The following SPECC1 variants were observed in gnomAD, a reference collection of about 807,000 sequenced individuals.
SPECC1 encodes sperm antigen with calponin homology and coiled-coil domains 1, also known as cytospin-B.
In SPECC1, 62 loss-of-function variants were observed where a neutral mutation model predicts 104.1. The observed-to-expected ratio is 0.60, with a 90% CI of 0.49 to 0.74. The LOEUF is 0.74. Among genes scored for constraint, SPECC1 ranks in the 30% least tolerant of loss-of-function variants. The pLI is 0.00. For missense variants in SPECC1, 1,306 were observed against 1,310.5 expected (o/e 1.00, Z 0.05); for synonymous variants, 513 against 501.6 (o/e 1.02, Z -0.30).
chr17:20,266,646 C>G (rs1421494237), intron 12 of SPECC1, among the ~76,000 whole-genome samples: 3 of 152,182 alleles, frequency 2.0e-5, no homozygotes, highest in Non-Finnish European at 4.4e-5. Flanking sequence ...AGGCAACAGT[C>G]CCTGCTCTCA....
chr17:20,206,870 T>C (rs1286054727), intron 4 of SPECC1, among the ~76,000 whole-genome samples: 2 of 152,252 alleles, frequency 1.3e-5, no homozygotes, highest in Non-Finnish European at 2.9e-5. Flanking sequence ...GGTATTACAT[T>C]GTTATATCAT....
chr17:20,311,741 T>C (rs1308624611), intron 14 of SPECC1, among the ~76,000 whole-genome samples: 1 of 152,206 alleles, frequency 6.6e-6, no homozygotes, highest in Non-Finnish European at 1.5e-5. Flanking sequence ...ACGGGGGGAA[T>C]GTTCAGGTCT....
chr17:20,128,873 CAT>C (rs1453576212), intron 3 of SPECC1, among the ~76,000 whole-genome samples: 2 of 151,766 alleles, frequency 1.3e-5, no homozygotes, highest in African/African-American at 4.8e-5. Context: ...AAATATATTT[CAT>C]ATTTTTAAAT....
At chr17:20,292,799 A>G (rs1475309346) in intron 12 of SPECC1, among the ~76,000 whole-genome samples, 1 of 152,222 alleles carries the variant, frequency 6.6e-6, no homozygotes, top group African/African-American at 2.4e-5. Context: ...TGGTGTGCTT[A>G]GCGACTGCTG....
chr17:20,245,901 A>G (rs191896427), intron 7 of SPECC1, 25 bp from the exon 8 acceptor site: 3 of 1,611,720 alleles, frequency 1.9e-6, no homozygotes, highest in East Asian at 2.2e-5. Context: ...CATCTTTTCA[A>G]TCTGATTTGC....
At chr17:20,170,174 A>C (rs1024564363) in intron 3 of SPECC1, among the ~76,000 whole-genome samples, 9 of 152,198 alleles carry the variant, frequency 5.9e-5, no homozygotes, top group African/African-American at 2.2e-4. Flanking sequence ...CTGCCTTCAC[A>C]TGGACATTGT....
chr17:20,230,893 C>T (rs749652029), intron 5 of SPECC1, among the ~76,000 whole-genome samples: 5 of 152,172 alleles, frequency 3.3e-5, no homozygotes, highest in African/African-American at 4.8e-5. Flanking sequence ...CAGACACAAA[C>T]TCTCAGTCCC....
At chr17:20,023,166 T>C (rs1172097358) in intron 1 of SPECC1, among the ~76,000 whole-genome samples, 1 of 152,206 alleles carries the variant, frequency 6.6e-6, no homozygotes, top group African/African-American at 2.4e-5. Flanking sequence ...TTGGAACTAC[T>C]TAGCTCTGCT....
intron 3 of SPECC1, among the ~76,000 whole-genome samples, chr17:20,188,014 C>T (rs954334476): frequency 4.6e-5 from 7 of 152,130 alleles, no homozygotes; most frequent in African/African-American, 1.7e-4. Context: ...AGAATTCAGC[C>T]TCATATAAGG....
intron 1 of SPECC1, among the ~76,000 whole-genome samples, chr17:20,074,929 C>G (rs2046698735): frequency 6.6e-6 from 1 of 151,990 alleles, no homozygotes; most frequent in South Asian, 2.1e-4. Context: ...TTAGACAGAG[C>G]CTTGCTGTTG....
intron 2 of SPECC1, among the ~76,000 whole-genome samples, chr17:20,104,471 G>A (rs1315960114): frequency 3.3e-5 from 5 of 152,116 alleles, no homozygotes; most frequent in South Asian, 2.1e-4. Flanking sequence ...GGCCAGGCAC[G>A]GTGGCTCATG....
At chr17:20,119,340 C>A (rs2048915274) in intron 3 of SPECC1, among the ~76,000 whole-genome samples, 1 of 152,220 alleles carries the variant, frequency 6.6e-6, no homozygotes, top group Admixed American at 6.5e-5. Flanking sequence ...TCAAGTGATT[C>A]TCCTGCCTCA....
chr17:20,194,505 T>A lies in SPECC1; in HGVS notation c.284-9828T>A, dbSNP rs2526489. ...GTTCTGTTAGAAAAGAGAACGAATT[T>A]TTTTTTTTTTTTTTTTTTTTGAGAC... is the stretch of plus-strand genomic sequence containing the variant. On this transcript the variant is annotated intron_variant, in intron 3 of 14. Coordinates refer to ENST00000395527, the MANE Select transcript of SPECC1 (RefSeq NM_001243439.2). 6.7e-3 allele frequency among the ~76,000 whole-genome samples: 321 copies of A among 47,926 alleles called. 7 individuals carry two copies. In the East Asian group the frequency reaches 0.073, roughly 11 times the overall value. 31.4% of individuals were successfully genotyped at this position (47,926 alleles called of 152,430 possible).
chr17:20,275,728 G>C (rs1392915055), intron 12 of SPECC1, among the ~76,000 whole-genome samples: 1 of 152,164 alleles, frequency 6.6e-6, no homozygotes. Flanking sequence ...CTAGGCCCCT[G>C]CCTATTCTCA....
At chr17:20,030,135 G>C (rs945965400) in intron 1 of SPECC1, among the ~76,000 whole-genome samples, 1 of 151,954 alleles carries the variant, frequency 6.6e-6, no homozygotes, top group Non-Finnish European at 1.5e-5. Flanking sequence ...CTCAATTTGT[G>C]GTAGTTTGTT....
intron 10 of SPECC1, among the ~76,000 whole-genome samples, chr17:20,256,079 G>A (rs1265025949): frequency 5.9e-5 from 9 of 151,770 alleles, no homozygotes; most frequent in Non-Finnish European, 8.8e-5. Flanking sequence ...GGGTTTCACC[G>A]TGTTAGCCAG....
intron 3 of SPECC1, among the ~76,000 whole-genome samples, chr17:20,165,246 C>A (rs1021777027): frequency 6.6e-6 from 1 of 152,134 alleles, no homozygotes; most frequent in East Asian, 1.9e-4. Context: ...CCCCCCACCC[C>A]CTGTGCCGTT....
chr17:20,164,032 ATTTC>A (rs1211445614), intron 3 of SPECC1, among the ~76,000 whole-genome samples: 19 of 152,138 alleles, frequency 1.2e-4, no homozygotes, highest in African/African-American at 4.3e-4. Flanking sequence ...TAATGCAGAT[ATTTC>A]TTAATATGGA....
intron 2 of SPECC1, among the ~76,000 whole-genome samples, 167 bp downstream of exon 2, chr17:20,096,965 C>T (rs922675339): frequency 1.3e-5 from 2 of 152,094 alleles, no homozygotes; most frequent in African/African-American, 2.4e-5. Context: ...ATAGAGCTAG[C>T]GGGTGGGAGT....
Sources: allele counts gnomAD v4.1 joint callset (sites outside exome capture counted in the v4.1 genomes callset), GRCh38; gene constraint gnomAD v4.1.1; transcripts MANE v1.5; gene names NCBI Gene and HGNC (gene_info 2026-07-23, HGNC 2026-07-21).